COMMD10: variants seen among roughly 807,000 people sequenced by gnomAD.
The protein encoded by COMMD10 is COMM domain-containing protein 10.
In COMMD10, 33 loss-of-function variants were observed where a neutral mutation model predicts 28.9. That is an observed-to-expected ratio of 1.14 (90% confidence interval 0.87 to 1.53). The LOEUF is 1.53. Among genes scored for constraint, COMMD10 ranks in the 40% most tolerant of loss-of-function variants. COMMD10 has a pLI of 0.00. For missense variants in COMMD10, 310 were observed against 233.4 expected, an observed-to-expected ratio of 1.33 and a Z score of -2.14; for synonymous variants, 110 against 81.7, an observed-to-expected ratio of 1.35 and a Z score of -1.87.
chr5:116,228,489 C>A (rs1057429345), intron 5 of COMMD10, among the ~76,000 whole-genome samples: 1 of 151,760 alleles, frequency 6.6e-6, no homozygotes, highest in Non-Finnish European at 1.5e-5. Context: ...ATTTCAATAA[C>A]CAGAATTGTA....
At chr5:116,120,193 T>G (rs1489024419) in intron 4 of COMMD10, among the ~76,000 whole-genome samples, 1 of 151,952 alleles carries the variant, frequency 6.6e-6, no homozygotes. Flanking sequence ...TGAAGTAGCG[T>G]TTTTTGCAGC....
chr5:116,148,939 G>T (rs77553513), intron 5 of COMMD10, among the ~76,000 whole-genome samples: 1 of 151,618 alleles, frequency 6.6e-6, no homozygotes, highest in Non-Finnish European at 1.5e-5. Context: ...CCATGCTGAT[G>T]TGTTGCACCC....
At chr5:116,253,998 A>T (rs1230164271) in intron 5 of COMMD10, among the ~76,000 whole-genome samples, 1 of 152,226 alleles carries the variant, frequency 6.6e-6, no homozygotes, top group East Asian at 1.9e-4. Flanking sequence ...CTTTTCAGAG[A>T]TTGAACTTCT....
chr5:116,285,586 G>A (rs941387568), intron 5 of COMMD10, among the ~76,000 whole-genome samples: 1 of 151,918 alleles, frequency 6.6e-6, no homozygotes, highest in Non-Finnish European at 1.5e-5. Flanking sequence ...TAAGTCAGAT[G>A]CTTTTCTGTA....
At chr5:116,102,133 T>A (rs1298343662) in intron 4 of COMMD10, among the ~76,000 whole-genome samples, 1 of 152,182 alleles carries the variant, frequency 6.6e-6, no homozygotes, top group African/African-American at 2.4e-5. Context: ...AATTCTTTGC[T>A]TAGAACAAGG....
Position 116,202,186 on chromosome 5 carries a change from T to A in COMMD10, c.510+68008T>A, listed in dbSNP as rs532482600. On this transcript the variant is annotated intron_variant, in intron 5 of 6. Coordinates refer to ENST00000274458, the MANE Select transcript of COMMD10 (RefSeq NM_016144.4). ...TTTACTGAGAATGATGATTTCCAAT[T>A]TCATCCATGTCCCTACAAAGGACAT... Among the ~76,000 whole-genome samples the A allele has an allele frequency of 1.8e-4, 28 of 152,100 alleles. No individual in the cohort carries two copies. The South Asian group carries it at 2.5e-3, about 14-fold the overall frequency.
chr5:116,155,292 C>G (rs1752670215), intron 5 of COMMD10, among the ~76,000 whole-genome samples: 1 of 152,158 alleles, frequency 6.6e-6, no homozygotes. Context: ...TATGAAGTTT[C>G]TATTAACTGA....
At chr5:116,192,207 G>A (rs1375049281) in intron 5 of COMMD10, among the ~76,000 whole-genome samples, 2 of 151,790 alleles carry the variant, frequency 1.3e-5, no homozygotes, top group African/African-American at 4.8e-5. Context: ...CTACCTAAAT[G>A]AGAAGGAACC....
intron 5 of COMMD10, among the ~76,000 whole-genome samples, chr5:116,146,594 G>A (rs971871640): frequency 6.6e-6 from 1 of 151,840 alleles, no homozygotes; most frequent in African/African-American, 2.4e-5. Flanking sequence ...AAAAGGAGTT[G>A]ACAAACACTT....
intron 5 of COMMD10, among the ~76,000 whole-genome samples, chr5:116,211,804 G>T (rs537390355): frequency 5.3e-5 from 8 of 152,110 alleles, no homozygotes; most frequent in African/African-American, 1.9e-4. Flanking sequence ...TCTCACAGAG[G>T]CAGTCAACTG....
chr5:116,222,523 A>G (rs1283681275), intron 5 of COMMD10, among the ~76,000 whole-genome samples: 1 of 152,152 alleles, frequency 6.6e-6, no homozygotes. Context: ...GTCTACTTGT[A>G]TTTGTAAAGT....
At chr5:116,251,298 A>ATTAT (rs1750111366) in intron 5 of COMMD10, among the ~76,000 whole-genome samples, 2 of 137,076 alleles carry the variant, frequency 1.5e-5, no homozygotes, top group Non-Finnish European at 3.3e-5. Context: ...TTATTTATTT[A>ATTAT]TTTATTATTA....
intron 5 of COMMD10, among the ~76,000 whole-genome samples, chr5:116,173,946 T>C (rs1355605951): frequency 6.6e-6 from 1 of 152,044 alleles, no homozygotes; most frequent in Non-Finnish European, 1.5e-5. Context: ...ATATGCCATG[T>C]GCCATATACT....
chr5:116,183,135 A>C (rs1748027113), intron 5 of COMMD10, among the ~76,000 whole-genome samples: 1 of 152,158 alleles, frequency 6.6e-6, no homozygotes. Flanking sequence ...ATGATCATAA[A>C]GAGATTGTTG....
At chr5:116,282,129 A>C (rs1751086117) in intron 5 of COMMD10, among the ~76,000 whole-genome samples, 1 of 151,844 alleles carries the variant, frequency 6.6e-6, no homozygotes, top group African/African-American at 2.4e-5. Flanking sequence ...AGCTCTTAAG[A>C]ATTTCTAATC....
chr5:116,126,370 A>G (rs1299370607), intron 4 of COMMD10, among the ~76,000 whole-genome samples: 2 of 152,076 alleles, frequency 1.3e-5, no homozygotes, highest in Non-Finnish European at 2.9e-5. Flanking sequence ...TATAGATTCA[A>G]TGCCATCCCC....
chr5:116,282,970 C>G (rs1751113790), intron 5 of COMMD10, among the ~76,000 whole-genome samples: 1 of 151,880 alleles, frequency 6.6e-6, no homozygotes, highest in Non-Finnish European at 1.5e-5. Flanking sequence ...GGAGCAGAGA[C>G]TTCTGGTGGG....
At chr5:116,086,768 A>G (rs1750113979) in intron 1 of COMMD10, among the ~76,000 whole-genome samples, 1 of 152,184 alleles carries the variant, frequency 6.6e-6, no homozygotes, top group Non-Finnish European at 1.5e-5. Flanking sequence ...GATTGAGCTC[A>G]GGAGTTCAAG....
chr5:116,135,412 A>G (rs1751997713), intron 5 of COMMD10, among the ~76,000 whole-genome samples: 1 of 152,238 alleles, frequency 6.6e-6, no homozygotes, highest in South Asian at 2.1e-4. Context: ...AGTCTTACAT[A>G]TAATGTATTA....
Sources: gnomAD v4.1 joint callset for allele counts (sites outside exome capture counted in the v4.1 genomes callset) on GRCh38, gnomAD v4.1.1 for gene constraint, MANE v1.5 for transcripts, NCBI Gene and HGNC (gene_info 2026-07-23, HGNC 2026-07-21) for gene names.